The following KHDRBS2 variants were observed in gnomAD, a reference collection of about 807,000 sequenced individuals.
KHDRBS2 encodes the protein KH RNA binding domain containing, signal transduction associated 2.
A neutral mutation model predicts 44.3 loss-of-function variants in KHDRBS2; 26 were observed. The observed-to-expected ratio is 0.59, with a 90% CI of 0.43 to 0.81. The LOEUF (loss-of-function observed/expected upper bound fraction) is 0.81, where lower values mean the gene tolerates loss of function less well. Ranked by LOEUF, KHDRBS2 falls within the 40% of genes least tolerant of loss-of-function variation. The probability of loss-of-function intolerance (pLI) is 0.00; values close to 1 mark genes in which losing one functional copy is unlikely to be tolerated. For synonymous variants in KHDRBS2, 194 were observed against 151.1 expected (o/e 1.28, Z -2.08); for missense variants, 476 against 433.1 (o/e 1.10, Z -0.88).
chr6:61,922,251 C>A (rs768483399), intron 4 of KHDRBS2, among the ~76,000 whole-genome samples: 9 of 151,992 alleles, frequency 5.9e-5, no homozygotes, highest in Non-Finnish European at 1.3e-4. Flanking sequence ...GGACATCAGG[C>A]AACTAAGGCT....
At chr6:61,593,671 C>A in the KHDRBS2 span, among the ~76,000 whole-genome samples, 151 of 151,924 alleles carry the variant, frequency 9.9e-4, no homozygotes, top group Non-Finnish European at 1.7e-3. Flanking sequence ...CTTTACGGAA[C>A]TTTTTCATAA....
intron 6 of KHDRBS2, among the ~76,000 whole-genome samples, chr6:61,798,312 G>A (rs973002659): frequency 6.6e-6 from 1 of 151,984 alleles, no homozygotes; most frequent in African/African-American, 2.4e-5. Flanking sequence ...CCTCCTGCAA[G>A]GTGAATTATT....
chr6:61,964,016 A>C (rs936489498), intron 4 of KHDRBS2, among the ~76,000 whole-genome samples: 5 of 152,064 alleles, frequency 3.3e-5, no homozygotes, highest in African/African-American at 1.2e-4. Flanking sequence ...TCTGTTTTCC[A>C]GTTGACTTTA....
chr6:62,271,976 C>T (rs1840167572), intron 1 of KHDRBS2, among the ~76,000 whole-genome samples: 1 of 152,114 alleles, frequency 6.6e-6, no homozygotes, highest in Non-Finnish European at 1.5e-5. Flanking sequence ...TCGACCTTCA[C>T]CTTCACTTAC....
intron 6 of KHDRBS2, among the ~76,000 whole-genome samples, chr6:61,811,630 A>G (rs1189685966): frequency 6.6e-6 from 1 of 152,154 alleles, no homozygotes; most frequent in South Asian, 2.1e-4. Context: ...TTGACTTTCT[A>G]ATAGACAGTC....
intron 1 of KHDRBS2, among the ~76,000 whole-genome samples, chr6:62,219,007 C>G (rs973820160): frequency 7.9e-5 from 12 of 151,644 alleles, no homozygotes; most frequent in African/African-American, 2.7e-4. Context: ...TTCAGAAGCA[C>G]AGGGGGGAAG....
chr6:62,083,548 T>G (rs1416036696), intron 2 of KHDRBS2, among the ~76,000 whole-genome samples: 1 of 152,154 alleles, frequency 6.6e-6, no homozygotes, highest in Non-Finnish European at 1.5e-5. Context: ...TTGTAACACA[T>G]GCCCTCTGGG....
At chr6:62,110,661 A>G (rs1804789443) in intron 2 of KHDRBS2, among the ~76,000 whole-genome samples, 1 of 152,110 alleles carries the variant, frequency 6.6e-6, no homozygotes, top group Admixed American at 6.6e-5. Context: ...TTGAGGATAC[A>G]CAAATTTATG....
At chr6:62,195,680 C>T (rs1438526025) in intron 1 of KHDRBS2, among the ~76,000 whole-genome samples, 1 of 151,964 alleles carries the variant, frequency 6.6e-6, no homozygotes, top group Non-Finnish European at 1.5e-5. Flanking sequence ...CTTGATAAAT[C>T]TTCAGTGAAT....
chr6:61,813,625 A>G (rs1788461909), intron 6 of KHDRBS2, among the ~76,000 whole-genome samples: 1 of 152,120 alleles, frequency 6.6e-6, no homozygotes, highest in Non-Finnish European at 1.5e-5. Flanking sequence ...ATTACTTGGT[A>G]TAGTTCTTCT....
At chr6:61,894,854 AT>A (rs762628573) in intron 5 of KHDRBS2, 21 bp from the exon 6 acceptor site, 1 of 1,576,478 alleles carries the variant, frequency 6.3e-7, no homozygotes, top group South Asian at 1.1e-5. Flanking sequence ...CAAGTCATGT[AT>A]AGATGAGAAA....
intron 6 of KHDRBS2, among the ~76,000 whole-genome samples, chr6:61,757,697 G>A (rs1778696989): frequency 6.6e-6 from 1 of 151,798 alleles, no homozygotes; most frequent in African/African-American, 2.4e-5. Context: ...CAATATTTTT[G>A]TGATTCAATT....
At chr6:62,239,515 G>A (rs192406490) in intron 1 of KHDRBS2, among the ~76,000 whole-genome samples, 15 of 152,128 alleles carry the variant, frequency 9.9e-5, no homozygotes, top group South Asian at 2.1e-4. Context: ...GGACGTTGCC[G>A]TGAGCCAAGA....
At chr6:62,162,924 G>A (rs141765705) in intron 2 of KHDRBS2, among the ~76,000 whole-genome samples, 1 of 151,600 alleles carries the variant, frequency 6.6e-6, no homozygotes, top group African/African-American at 2.4e-5. Context: ...GTAGAAACGG[G>A]GTAAGAAGAA....
intron 4 of KHDRBS2, among the ~76,000 whole-genome samples, chr6:61,918,008 A>C (rs1807338599): frequency 6.6e-6 from 1 of 151,934 alleles, no homozygotes; most frequent in Non-Finnish European, 1.5e-5. Flanking sequence ...AAGAGCCCTA[A>C]GTGCATCTAA....
the KHDRBS2 span, among the ~76,000 whole-genome samples, chr6:61,546,009 G>T: frequency 6.6e-6 from 1 of 152,084 alleles, no homozygotes; most frequent in Non-Finnish European, 1.5e-5. Context: ...AAGCCATACA[G>T]CTCCTCATAT....
chr6:61,953,501 A>AT (rs530464203), intron 4 of KHDRBS2, among the ~76,000 whole-genome samples: 2 of 152,000 alleles, frequency 1.3e-5, no homozygotes, highest in South Asian at 4.1e-4. Flanking sequence ...AAATCGCTAT[A>AT]TTTTTTTAAA....
At chr6:61,877,177 T>G (rs554991069) in intron 6 of KHDRBS2, among the ~76,000 whole-genome samples, 15 of 152,138 alleles carry the variant, frequency 9.9e-5, no homozygotes, top group African/African-American at 3.4e-4. Flanking sequence ...AGGCAAAGAT[T>G]GTTGACCCCT....
At chr6:62,169,289 T>C (rs557102875) in intron 2 of KHDRBS2, among the ~76,000 whole-genome samples, 245 of 151,202 alleles carry the variant, frequency 1.6e-3, no homozygotes, top group Admixed American at 2.8e-3. Context: ...GGCTAACTCA[T>C]AGGCAGTGCG....
Sources: gnomAD v4.1 joint callset for allele counts (sites outside exome capture counted in the v4.1 genomes callset) on GRCh38, gnomAD v4.1.1 for gene constraint, MANE v1.5 for transcripts, NCBI Gene and HGNC (gene_info 2026-07-23, HGNC 2026-07-21) for gene names.